The following RNF145 variants were observed in gnomAD, a reference collection of about 807,000 sequenced individuals.
RNF145 encodes the protein ring finger protein 145.
RNF145 carries 12 observed loss-of-function variants against 57.3 expected under a neutral mutation model. The ratio of observed to expected loss-of-function variants is 0.21; its 90% CI spans 0.13 to 0.34. The LOEUF (loss-of-function observed/expected upper bound fraction) is 0.34. Ranked by LOEUF, RNF145 falls within the 10% of genes least tolerant of loss-of-function variation. The probability of loss-of-function intolerance (pLI) is 1.00; values close to 1 mark genes in which losing one functional copy is unlikely to be tolerated. For missense variants in RNF145, 429 were observed against 799.0 expected (o/e 0.54, Z 5.58); for synonymous variants, 262 against 288.3 (o/e 0.91, Z 0.92).
chr5:159,193,183 CG>C (rs1436544740), intron 3 of RNF145, among the ~76,000 whole-genome samples: 31 of 152,252 alleles, frequency 2.0e-4, no homozygotes, highest in Non-Finnish European at 4.4e-5. Flanking sequence ...TCATGCAAAA[CG>C]GGGAATGTCA....
Position 159,165,731 on chromosome 5 carries a change from A to AAATAATAAT in RNF145, c.1122-2661_1122-2653dup, listed in dbSNP as rs751084571. On this transcript the variant is annotated intron_variant, in intron 8 of 10. Transcript: ENST00000424310. ...AAAAAAAAAAAAAAAAAAAAAAAAA[A>AAATAATAAT]AATAATAATATCCTACATTATCATC... 2.0e-3 allele frequency among the ~76,000 whole-genome samples: 11 copies of AAATAATAAT among 5,596 alleles called. 5 individuals are homozygous for AAATAATAAT. Among genetic ancestry groups the AAATAATAAT allele is most frequent in the African/African-American group, 9.3e-3 (4 of 428 alleles). 3.7% of individuals were successfully genotyped at this position (5,596 alleles called of 152,430 possible).
At chr5:159,209,885 T>C (rs1786053255), upstream of RNF145, 1 of 1,536,042 alleles carries the variant, frequency 6.5e-7, no homozygotes, top group Non-Finnish European at 8.7e-7. Flanking sequence ...TTTGAAGGGC[T>C]GATCCTGTCC....
At chr5:159,162,425 C>CTTTTTT (rs201178143) in intron 9 of RNF145, among the ~76,000 whole-genome samples, 6,296 of 133,750 alleles carry the variant, frequency 0.047, 244 homozygotes, top group Non-Finnish European at 0.061. Flanking sequence ...GTAATATTTT[C>CTTTTTT]TTTTTTTTTT....
At position 159,164,683 on chromosome 5, in the gene RNF145, G is replaced by T. The variant is rs17056588; in HGVS notation, c.1122-1604C>A. Among the ~76,000 whole-genome samples the T allele has an allele frequency of 4.6e-5, 7 of 152,066 alleles. No individual in the cohort carries two copies. The East Asian group carries it at 1.3e-3, about 29-fold the overall frequency. On this transcript the variant is annotated intron_variant, in intron 8 of 10. Transcript: ENST00000424310. Reference sequence around the variant, plus strand: ...AATTACATTGAAACCTCGTGCAATAGGTTAAGTACTATAAAAATGACAACC... The same window carrying T: ...AATTACATTGAAACCTCGTGCAATATGTTAAGTACTATAAAAATGACAACC...
intron 9 of RNF145, among the ~76,000 whole-genome samples, chr5:159,162,420 A>ATTTTAT (rs1188848279): frequency 8.3e-6 from 1 of 120,024 alleles, no homozygotes. Context: ...TTTATGTAAT[A>ATTTTAT]TTTTCTTTTT....
chr5:159,177,759 T>C (rs1784764420), intron 4 of RNF145, among the ~76,000 whole-genome samples: 1 of 152,064 alleles, frequency 6.6e-6, no homozygotes, highest in Non-Finnish European at 1.5e-5. Flanking sequence ...CAGTGTATAA[T>C]GTGGCTATTT....
At chr5:159,188,591 C>T (rs1785172448) in intron 3 of RNF145, among the ~76,000 whole-genome samples, 1 of 152,066 alleles carries the variant, frequency 6.6e-6, no homozygotes, top group Non-Finnish European at 1.5e-5. Flanking sequence ...AATACATTCC[C>T]TACATCCCTC....
Position 159,158,763 on chromosome 5 carries a change from A to T in RNF145, c.1899T>A (p.Ile633=). ...QEGSRDNNEY[I]ARRPDNQEGA... is the part of the protein sequence containing the mutation. ...CTTCCTGGTTATCTGGTCGTCTGGC[A>T]ATGTACTCATTATTGTCCCTGGAAC... is the stretch of plus-strand genomic sequence containing the variant. The change falls in exon 11 of 11, where the codon ATT becomes ATA. Residue 633 remains isoleucine (I), a synonymous_variant. Coordinates refer to ENST00000424310, the MANE Select transcript of RNF145 (RefSeq NM_001199383.2). The T allele has an allele frequency of 6.2e-7, 1 of 1,613,930 alleles. No individual in the cohort carries two copies. Among genetic ancestry groups the T allele is most frequent in the Non-Finnish European group, 8.5e-7 (1 of 1,179,854 alleles).
Position 159,191,485 on chromosome 5 carries a change from A to C in RNF145, c.293+3231T>G, listed in dbSNP as rs369745676. Among the ~76,000 whole-genome samples the C allele has an allele frequency of 1.4e-4, 22 of 152,334 alleles. No homozygotes were observed. The East Asian group carries it at 1.9e-3, about 13-fold the overall frequency. On this transcript the variant is annotated intron_variant, in intron 3 of 10. Coordinates refer to ENST00000424310, the MANE Select transcript of RNF145 (RefSeq NM_001199383.2). ...TTTTTGCCTACTATAAAATTTTATT[A>C]AAACTTAATAAAATCCTATTATTGA...
chr5:159,161,756 G>T (rs2113076510), intron 9 of RNF145, 134 bp from the exon 10 acceptor site: 544 of 485,714 alleles, frequency 1.1e-3, no homozygotes, highest in East Asian at 1.2e-3. Flanking sequence ...GTATCCAGGG[G>T]AAAAAAAAGT....
chr5:159,176,949 G>A, intron 4 of RNF145, 82 bp from the exon 5 acceptor site: 4 of 733,294 alleles, frequency 5.5e-6, no homozygotes, highest in South Asian at 2.0e-5. Flanking sequence ...CTGTTGATAA[G>A]GATAATAACA....
At chr5:159,161,755 G>A in intron 9 of RNF145, 133 bp from the exon 10 acceptor site, 2 of 550,594 alleles carry the variant, frequency 3.6e-6, no homozygotes, top group East Asian at 3.1e-5. Flanking sequence ...AGTATCCAGG[G>A]GAAAAAAAAG....
intron 5 of RNF145, among the ~76,000 whole-genome samples, chr5:159,175,898 G>A (rs1784706345): frequency 6.6e-6 from 1 of 152,114 alleles, no homozygotes; most frequent in South Asian, 2.1e-4. Flanking sequence ...CCAATGTCAG[G>A]TTAAAATCTA....
chr5:159,174,236 G>T, intron 5 of RNF145, 78 bp from the exon 6 acceptor site: 1 of 949,382 alleles, frequency 1.1e-6, no homozygotes, highest in Non-Finnish European at 1.5e-6. Flanking sequence ...CAAATCAGAA[G>T]TAAAATATTA....
intron 9 of RNF145, among the ~76,000 whole-genome samples, 155 bp from the exon 10 acceptor site, chr5:159,161,777 A>T (rs1281396397): frequency 1.3e-5 from 2 of 152,218 alleles, no homozygotes; most frequent in Non-Finnish European, 2.9e-5. Flanking sequence ...TTTAATAAAT[A>T]AAAAATCAAC....
chr5:159,205,067 G>C (rs558604731), intron 1 of RNF145, among the ~76,000 whole-genome samples: 3 of 152,200 alleles, frequency 2.0e-5, no homozygotes, highest in Admixed American at 6.5e-5. Flanking sequence ...AATTTTCATA[G>C]CTTCCTAGTT....
intron 1 of RNF145, among the ~76,000 whole-genome samples, chr5:159,206,132 C>T (rs1238306465): frequency 6.6e-6 from 1 of 152,006 alleles, no homozygotes; most frequent in East Asian, 1.9e-4. Flanking sequence ...GAGAAAATAC[C>T]GGGTCCCGAA....
At chr5:159,164,007 G>A (rs1003582672) in intron 8 of RNF145, among the ~76,000 whole-genome samples, 4 of 152,144 alleles carry the variant, frequency 2.6e-5, no homozygotes, top group Non-Finnish European at 4.4e-5. Flanking sequence ...TCTGTGATAT[G>A]TTCTCAAATC....
At chr5:159,184,899 C>T (rs1237754501) in intron 3 of RNF145, among the ~76,000 whole-genome samples, 2 of 152,042 alleles carry the variant, frequency 1.3e-5, no homozygotes, top group Non-Finnish European at 2.9e-5. Context: ...TTATAGGACC[C>T]TAAGGGAGGT....
Sources: gnomAD v4.1 joint callset for allele counts (sites outside exome capture counted in the v4.1 genomes callset) on GRCh38, gnomAD v4.1.1 for gene constraint, MANE v1.5 for transcripts, NCBI Gene and HGNC (gene_info 2026-07-23, HGNC 2026-07-21) for gene names.